Variants in PLCB2 observed in about 807,000 individuals in gnomAD.
PLCB2 encodes the protein 1-phosphatidylinositol 4,5-bisphosphate phosphodiesterase beta-2.
A neutral mutation model predicts 141.7 loss-of-function variants in PLCB2; 115 were observed. The ratio of observed to expected loss-of-function variants is 0.81; its 90% CI spans 0.70 to 0.95. The LOEUF is 0.95. PLCB2 is among the 40% of genes least tolerant of loss of function. PLCB2 has a pLI of 0.00. For synonymous variants in PLCB2, 603 were observed against 595.6 expected (o/e 1.01, Z -0.18); for missense variants, 1,403 against 1,541.1 (o/e 0.91, Z 1.50).
chr15:40,291,068 C>A lies in PLCB2; in HGVS notation c.2986G>T (p.Glu996Ter). ...TTCAGAACGCACTCGTACTGCTCCT[C>A]GCCCTGCCGCAGCAGCTCCAGCTCC... ...RLELELLRQG[E>*]EQYECVLKRK... The change falls in exon 27 of 32, where the codon GAG (glutamate) becomes TAG (stop). Residue 996 changes from glutamate to a stop codon, truncating the protein, a stop_gained. Coordinates refer to ENST00000260402, the MANE Select transcript of PLCB2 (RefSeq NM_004573.3). LOFTEE classifies it high-confidence loss of function. The A allele has an allele frequency of 6.3e-7, 1 of 1,589,890 alleles. No homozygotes were observed. The highest frequency in any genetic ancestry group is 2.3e-5 in the East Asian group (1 of 44,068).
At position 40,297,859 on chromosome 15, in the gene PLCB2, A is replaced by G; in HGVS notation, c.1238+18T>C. On this transcript the variant is annotated intron_variant, in intron 12 of 31. Coordinates refer to ENST00000260402, the MANE Select transcript of PLCB2 (RefSeq NM_004573.3). This position sits in a 1 kb window ranked among gnomAD's most constrained non-coding sequence, Gnocchi z 4.2. ...GGGGGCTGGGTGAGAATGTGGCTGA[A>G]TGGGCCTGGATACGCACGAGTCCAC... is the stretch of plus-strand genomic sequence containing the variant. 2 of 1,600,816 alleles carry G rather than the reference A, an allele frequency of 1.2e-6. No individual in the cohort carries two copies. The highest frequency in any genetic ancestry group is 1.7e-6 in the Non-Finnish European group (2 of 1,168,180).
Position 40,289,265 on chromosome 15 carries a change from C to A in PLCB2, c.3354+7G>T, listed in dbSNP as rs1292370914. The A allele has an allele frequency of 1.2e-6, 2 of 1,611,482 alleles. No homozygotes were observed. Among genetic ancestry groups the A allele is most frequent in the East Asian group, 2.2e-5 (1 of 44,868 alleles). ...TCTGCTGGGGGTCCCAGTAGTGAAC[C>A]TGTTACCTGCTTTTCCATCTCCCGT... is the stretch of plus-strand genomic sequence containing the variant. On this transcript the variant is annotated splice_region_variant and intron_variant, in intron 31 of 31. Transcript: ENST00000260402.
At position 40,307,706 on chromosome 15, in the gene PLCB2, A is replaced by G. The variant is rs2040868132; in HGVS notation, c.-34T>C. On this transcript the variant is annotated 5_prime_UTR_variant, in exon 1 of 32. Coordinates refer to ENST00000260402, the MANE Select transcript of PLCB2 (RefSeq NM_004573.3). ...GCGTTCCTCTTTGCAGAATCTCAGC[A>G]GACACAGGCAGGCAGAAGGGCAGGA... 1 of 1,536,772 alleles carries G rather than the reference A, an allele frequency of 6.5e-7. No homozygotes were observed. Among genetic ancestry groups the G allele is most frequent in the Non-Finnish European group, 8.8e-7 (1 of 1,136,256 alleles).
At chr15:40,285,476 A>G (rs1221607885), downstream of PLCB2, 1 of 949,854 alleles carries the variant, frequency 1.1e-6, no homozygotes, top group East Asian at 1.2e-4. Context: ...TAGTTATTTC[A>G]TTTTTTTTAT....
rs959673250 is a variant in PLCB2, at chr15:40,297,962, G to C, written c.1156-3C>G. 15 of 1,590,984 alleles carry C rather than the reference G, an allele frequency of 9.4e-6. No homozygotes were observed. Among genetic ancestry groups the C allele is most frequent in the Non-Finnish European group, 1.3e-5 (15 of 1,159,672 alleles). On this transcript the variant is annotated splice_polypyrimidine_tract_variant and splice_region_variant and intron_variant, in intron 11 of 31. Coordinates refer to ENST00000260402, the MANE Select transcript of PLCB2 (RefSeq NM_004573.3). The surrounding 1 kb of genome is among the most constrained non-coding windows in gnomAD (Gnocchi z 4.2). ...TCTGCAATAGCCTCAATTGCTTCCT[G>C]GAGGAGAAGGAGACTCCATGAACAG...
intron 1 of PLCB2, 44 bp from the exon 2 acceptor site, chr15:40,304,122 C>A: frequency 7.2e-7 from 1 of 1,385,800 alleles, no homozygotes; most frequent in Non-Finnish European, 1.0e-6. Flanking sequence ...GACCTCAGGC[C>A]AAGCCTCCCT....
Position 40,298,818 on chromosome 15 carries a change from C to G in PLCB2, c.830G>C (p.Ser277Thr). The stretch of plus-strand genomic sequence containing the variant: ...CTCACCCCTCTGTGCATTGATGCCA[C>G]TGGGCTCATACTTGTCGATGAGGCC... ...VQGLIDKYEP[S>T]GINAQRGQLS... The change falls in exon 9 of 32, where the codon AGT becomes ACT. Residue 277 changes from serine to threonine, a missense_variant. By Grantham distance (58) the Ser-to-Thr change is moderately conservative. Transcript: ENST00000260402. 1 of 1,613,588 alleles carries G rather than the reference C, an allele frequency of 6.2e-7. No homozygotes were observed. Among genetic ancestry groups the G allele is most frequent in the Non-Finnish European group, 8.5e-7 (1 of 1,179,768 alleles).
In PLCB2 at chr15:40,298,315, A is replaced by G. The variant is rs1242799384; in HGVS notation, c.1063T>C (p.Cys355Arg). Residue 355 changes from cysteine (C) to arginine (R), a missense_variant, in exon 11 of 32, where the codon TGC becomes CGC. Transcript: ENST00000260402. ...YRQVLLSGCR[C>R]VELDCWKGKP... ...CCCTTCCAGCAGTCTAGCTCCACGC[A>G]ACGGCAGCCAGAGAGCAGCACCTGG... The G allele has an allele frequency of 1.9e-6, 3 of 1,607,618 alleles. No individual in the cohort carries two copies. Among genetic ancestry groups the G allele is most frequent in the African/African-American group, 1.3e-5 (1 of 74,758 alleles).
At chr15:40,303,813 G>A in intron 2 of PLCB2, 188 bp downstream of exon 2, 2 of 568,568 alleles carry the variant, frequency 3.5e-6, no homozygotes, top group East Asian at 2.8e-5. Flanking sequence ...GGTAGCCACA[G>A]GTTGGAGTGA....
rs773166806 is a variant in PLCB2, at chr15:40,294,343, G to A, written c.1984C>T (p.Arg662Cys). 30 of 1,613,984 alleles carry A rather than the reference G, an allele frequency of 1.9e-5. No homozygotes were observed. Among genetic ancestry groups the A allele is most frequent in the African/African-American group, 8.0e-5 (6 of 74,934 alleles). Residue 662 changes from arginine to cysteine, a missense_variant, in exon 19 of 32, where the codon CGC (arginine) becomes TGC (cysteine). Coordinates refer to ENST00000260402, the MANE Select transcript of PLCB2 (RefSeq NM_004573.3). The stretch of plus-strand genomic sequence containing the variant: ...GGGTTGAACTGCTTGTCCGGCCGGC[G>A]CATGAACTCATGCTTGAGGAGGTAG... ...SGYLLKHEFM[R>C]RPDKQFNPFS... is the part of the protein sequence containing the mutation.
chr15:40,293,692 G>T lies in PLCB2; in HGVS notation c.2094C>A (p.Ser698Arg), dbSNP rs760697526. 6.2e-7 allele frequency: 1 copy of T among 1,613,462 alleles called. No homozygotes were observed. The highest frequency in any genetic ancestry group is 2.2e-5 in the East Asian group (1 of 44,878). The stretch of plus-strand genomic sequence containing the variant: ...GCTCCACTTCTACATAGGTGCGCAC[G>T]CTGCGTTCTGACAGGAACTGCCCAG... ...VISGQFLSER[S>R]VRTYVEVELF... The change falls in exon 20 of 32, where the codon AGC (serine) becomes AGA (arginine). Residue 698 changes from serine (S) to arginine (R), a missense_variant. This residue lies in a region of PLCB2 where 975 missense variants were observed against 1,141.1 expected (regional missense o/e 0.85). Coordinates refer to ENST00000260402, the MANE Select transcript of PLCB2 (RefSeq NM_004573.3).
At chr15:40,293,796 T>C (rs369340497) in intron 19 of PLCB2, 72 bp from the exon 20 acceptor site, 1 of 1,499,446 alleles carries the variant, frequency 6.7e-7, no homozygotes. Flanking sequence ...CTGGGGCCCC[T>C]GGCTGCCTAG....
At position 40,303,677 on chromosome 15, in the gene PLCB2, G is replaced by A. The variant is rs74602589; in HGVS notation, c.163-321C>T. Among the ~76,000 whole-genome samples, 745 of 152,210 alleles carry A rather than the reference G, an allele frequency of 4.9e-3. 7 individuals are homozygous for A. The highest frequency in any genetic ancestry group is 0.017 in the African/African-American group (702 of 41,518). On this transcript the variant is annotated intron_variant, in intron 2 of 31. Coordinates refer to ENST00000260402, the MANE Select transcript of PLCB2 (RefSeq NM_004573.3). ...TTCCCGTCCTCCTGCCCAGAGGCTGGGGCCTATCTCTCATCTCCCAGAGCC... is the reference window on the plus strand; with the variant it reads ...TTCCCGTCCTCCTGCCCAGAGGCTGAGGCCTATCTCTCATCTCCCAGAGCC...
chr15:40,291,217 C>T (rs745370475), intron 26 of PLCB2, 34 bp from the exon 27 acceptor site: 21 of 1,570,626 alleles, frequency 1.3e-5, no homozygotes, highest in Admixed American at 5.3e-5. Flanking sequence ...GCCCTGAGAT[C>T]CTGCGCCACC....
chr15:40,290,226 T>C lies in PLCB2; in HGVS notation c.3210-144A>G, dbSNP rs73391377. ...GGGGCAGGTGTGGGGACCCAAGGAG[T>C]ATGTAGGGGCCACTGGGAGTCCTGG... On this transcript the variant is annotated intron_variant, in intron 29 of 31. Transcript: ENST00000260402. The C allele has an allele frequency of 7.5e-3, 5,031 of 670,046 alleles. 193 individuals are homozygous for C. The African/African-American group carries it at 0.08, about 11-fold the overall frequency. The allele number at this position is 670,046 out of a possible 1,614,324, so 41.5% of individuals were successfully genotyped here.
Position 40,292,886 on chromosome 15 carries a change from TG to T in PLCB2, c.2326+39del, listed in dbSNP as rs1395317653. 4.4e-6 allele frequency: 6 copies of T among 1,353,674 alleles called. No homozygotes were observed. The African/African-American group carries it at 8.7e-5, about 20-fold the overall frequency. The allele number at this position is 1,353,674 out of a possible 1,614,324, so 83.9% of individuals were successfully genotyped here. A position where few individuals can be genotyped will look rare whatever the true frequency, so the allele number is the denominator to read the frequency against. On this transcript the variant is annotated intron_variant, in intron 21 of 31. Transcript: ENST00000260402. ...CTGCCCCACCCTGTGCACAGGCTCC[TG>T]CTGCTGATCTTGGAACAGTGAAGGA...
Position 40,292,136 on chromosome 15 carries a change from G to A in PLCB2, c.2454C>T (p.Asn818=). Residue 818 remains asparagine, a synonymous_variant, in exon 23 of 32, where the codon AAC becomes AAT. Transcript: ENST00000260402. ...AWADLTVALA[N]PIKFFSAHDT... The stretch of plus-strand genomic sequence containing the variant: ...CATGGGCACTGAAGAACTTAATGGG[G>A]TTGGCGAGGGCCACAGTGAGATCTG... 1.2e-6 allele frequency: 2 copies of A among 1,614,186 alleles called. No homozygotes were observed. Among genetic ancestry groups the A allele is most frequent in the Non-Finnish European group, 1.7e-6 (2 of 1,180,024 alleles).
At chr15:40,301,044 T>A (rs1566887538) in intron 7 of PLCB2, 1 of 156,358 alleles carries the variant, frequency 6.4e-6, no homozygotes, top group Non-Finnish European at 1.4e-5. Flanking sequence ...CAGGTAAGTG[T>A]TGCTGGCTGT....
chr15:40,306,263 C>G (rs116390685), intron 1 of PLCB2, among the ~76,000 whole-genome samples: 1,885 of 152,294 alleles, frequency 0.012, 36 homozygotes, highest in African/African-American at 0.043. Context: ...CAGCATGGAC[C>G]TGTGGATAGG....
Sources: gnomAD v4.1 joint callset for allele counts (sites outside exome capture counted in the v4.1 genomes callset) on GRCh38, gnomAD v4.1.1 for gene constraint, gnomAD v4.1.1 regional missense constraint, Gnocchi (gnomAD v3.1) non-coding constraint, MANE v1.5 for transcripts, NCBI Gene and HGNC (gene_info 2026-07-23, HGNC 2026-07-21) for gene names.